The following UBAP2L variants were observed in gnomAD, a reference collection of about 807,000 sequenced individuals.
The protein encoded by UBAP2L is ubiquitin associated protein 2 like.
In UBAP2L, 12 loss-of-function variants were observed where a neutral mutation model predicts 130.6. The ratio of observed to expected loss-of-function variants is 0.09; its 90% CI spans 0.06 to 0.15. UBAP2L has a LOEUF of 0.15. Among genes scored for constraint, UBAP2L ranks in the 10% least tolerant of loss-of-function variants. UBAP2L has a pLI of 1.00. For missense variants in UBAP2L, 965 were observed against 1,332.5 expected (o/e 0.72, Z 4.29); for synonymous variants, 503 against 524.7 (o/e 0.96, Z 0.57).
chr1:154,269,437 C>CTTCCA (rs1468171212), intron 26 of UBAP2L: 1 of 1,305,300 alleles, frequency 7.7e-7, no homozygotes, highest in Non-Finnish European at 1.0e-6. Flanking sequence ...TGATCATATG[C>CTTCCA]TTGAACCCAC....
At position 154,270,788 on chromosome 1, in the gene UBAP2L, T is replaced by TA; in HGVS notation, c.*494dup. On this transcript the variant is annotated 3_prime_UTR_variant, in exon 27 of 27. Transcript: ENST00000428931. ...TTTTTTTGTTTTTTTTTTTTTTTTG[T>TA]ACTGTGTCCTCAAATTTAATGGATT... 1 of 1,240,624 alleles carries TA rather than the reference T, an allele frequency of 8.1e-7. No homozygotes were observed. Among genetic ancestry groups the TA allele is most frequent in the Non-Finnish European group, 1.0e-6 (1 of 955,660 alleles). The allele number at this position is 1,240,624 out of a possible 1,614,324, so 76.9% of individuals were successfully genotyped here.
intron 24 of UBAP2L, chr1:154,263,315 CCCCTCCCCCATTT>C: frequency 7.0e-7 from 1 of 1,428,342 alleles, no homozygotes; most frequent in Non-Finnish European, 9.1e-7. Flanking sequence ...TTTGAACTTG[CCCCTCCCCCATTT>C]CCCTCTCCCC....
chr1:154,240,322 G>A (rs562687661), intron 8 of UBAP2L, among the ~76,000 whole-genome samples: 8 of 149,966 alleles, frequency 5.3e-5, no homozygotes, highest in African/African-American at 2.0e-4. Flanking sequence ...TTTTTTTTCT[G>A]AAAATATATG....
intron 18 of UBAP2L, among the ~76,000 whole-genome samples, chr1:154,256,151 A>G (rs1679573879): frequency 6.6e-6 from 1 of 152,244 alleles, no homozygotes; most frequent in African/African-American, 2.4e-5. Context: ...AGTAGATGCC[A>G]GGTGAGAGCT....
intron 12 of UBAP2L, among the ~76,000 whole-genome samples, chr1:154,249,762 C>G (rs1676852250): frequency 6.6e-6 from 1 of 151,658 alleles, no homozygotes; most frequent in Non-Finnish European, 1.5e-5. Context: ...CATATCAAGA[C>G]TCCATTTCTA....
rs778345799 is a variant in UBAP2L, at chr1:154,260,902, A to G, written c.2589A>G (p.Thr863=). 1 of 1,614,222 alleles carries G rather than the reference A, an allele frequency of 6.2e-7. No individual in the cohort carries two copies. Among genetic ancestry groups the G allele is most frequent in the South Asian group, 1.1e-5 (1 of 91,090 alleles). ...LASNPYSGDL[T]KFGRGDASSP... is the part of the protein sequence containing the mutation. ...CTTCTCCTGTCACAGGTGACCTCAC[A>G]AAGTTCGGCCGTGGGGATGCCTCCT... Residue 863 remains threonine (T), a synonymous_variant, in exon 23 of 27, where the codon ACA becomes ACG. Coordinates refer to ENST00000428931, the MANE Select transcript of UBAP2L (RefSeq NM_014847.4).
intron 10 of UBAP2L, among the ~76,000 whole-genome samples, chr1:154,245,831 C>A (rs544614439): frequency 3.9e-5 from 6 of 152,218 alleles, no homozygotes; most frequent in African/African-American, 1.4e-4. Flanking sequence ...AGGAGAATGG[C>A]GTGAACCCAG....
At chr1:154,254,209 A>G in intron 15 of UBAP2L, 120 bp downstream of exon 15, 1 of 972,162 alleles carries the variant, frequency 1.0e-6, no homozygotes, top group Non-Finnish European at 1.4e-6. Context: ...AGTGATTGAG[A>G]ATTTGAAAAA....
At chr1:154,271,085 G>A (rs756489808), downstream of UBAP2L, 2 of 791,690 alleles carry the variant, frequency 2.5e-6, no homozygotes, top group Non-Finnish European at 3.9e-6. Context: ...CTGGTGACTG[G>A]AAAGAACCAC....
chr1:154,268,950 G>T lies in UBAP2L; in HGVS notation c.3164G>T (p.Gly1055Val), dbSNP rs1310990004. The T allele has an allele frequency of 6.2e-7, 1 of 1,613,548 alleles. No individual in the cohort carries two copies. The highest frequency in any genetic ancestry group is 2.2e-5 in the East Asian group (1 of 44,850). Residue 1055 changes from glycine to valine, a missense_variant, in exon 26 of 27, where the codon GGC becomes GTC. Coordinates refer to ENST00000428931, the MANE Select transcript of UBAP2L (RefSeq NM_014847.4). ...CTTCACCATCACCTGCAGCAGGATGGCCAGGTAATAGCCCTTCCCCTTCTC... is the reference window on the plus strand; with the variant it reads ...CTTCACCATCACCTGCAGCAGGATGTCCAGGTAATAGCCCTTCCCCTTCTC... ...QILHHHLQQDGQTGSGQRSQT... is the reference protein window; with the variant it reads ...QILHHHLQQDVQTGSGQRSQT...
intron 24 of UBAP2L, among the ~76,000 whole-genome samples, chr1:154,264,417 T>C (rs1682598554): frequency 6.6e-6 from 1 of 152,160 alleles, no homozygotes; most frequent in South Asian, 2.1e-4. Context: ...GAGAACTCTG[T>C]AGTCTGAAGA....
upstream of UBAP2L, chr1:154,220,176 C>G (rs372405388): frequency 1.6e-5 from 14 of 886,872 alleles, no homozygotes; most frequent in Non-Finnish European, 2.6e-5. Context: ...GAGGGCGGGT[C>G]GGCCCGACTA....
At chr1:154,248,257 G>A (rs1571824934) in intron 11 of UBAP2L, among the ~76,000 whole-genome samples, 1 of 152,192 alleles carries the variant, frequency 6.6e-6, no homozygotes, top group Non-Finnish European at 1.5e-5. Context: ...GTGAGCCACC[G>A]CATTCGGCCC....
chr1:154,246,820 C>T (rs1675674594), intron 11 of UBAP2L, among the ~76,000 whole-genome samples: 1 of 152,142 alleles, frequency 6.6e-6, no homozygotes, highest in Admixed American at 6.5e-5. Context: ...AACCTATGGT[C>T]TTCCCATTTC....
chr1:154,220,478 G>C, upstream of UBAP2L: 1 of 1,580,070 alleles, frequency 6.3e-7, no homozygotes, highest in East Asian at 2.2e-5. Flanking sequence ...AGGCTCCGCC[G>C]AAGCGACGGC....
intron 24 of UBAP2L, among the ~76,000 whole-genome samples, chr1:154,264,763 T>A (rs1161102688): frequency 3.3e-5 from 5 of 152,230 alleles, no homozygotes; most frequent in South Asian, 2.1e-4. Flanking sequence ...TTTTATTTTT[T>A]TTTTGCCTTT....
chr1:154,250,892 A>T, intron 12 of UBAP2L, 149 bp from the exon 13 acceptor site: 1 of 687,042 alleles, frequency 1.5e-6, no homozygotes, highest in Non-Finnish European at 2.3e-6. Context: ...ATTGTCACCT[A>T]TAGAAATGAG....
intron 14 of UBAP2L, among the ~76,000 whole-genome samples, chr1:154,252,550 G>T (rs1392246551): frequency 6.6e-6 from 1 of 151,716 alleles, no homozygotes; most frequent in Non-Finnish European, 1.5e-5. Context: ...CAAAGGACTG[G>T]GATTACAGTC....
upstream of UBAP2L, chr1:154,220,546 C>A: frequency 1.2e-6 from 1 of 854,782 alleles, no homozygotes; most frequent in Non-Finnish European, 1.9e-6. Flanking sequence ...CAAGCCAGAC[C>A]CGGCCTGAAA....
Sources: gnomAD v4.1 joint callset for allele counts (sites outside exome capture counted in the v4.1 genomes callset) on GRCh38, gnomAD v4.1.1 for gene constraint, MANE v1.5 for transcripts, NCBI Gene and HGNC (gene_info 2026-07-23, HGNC 2026-07-21) for gene names.